Variants in SLC12A9 observed in about 807,000 individuals in gnomAD.
SLC12A9 encodes the protein CCC-interacting protein 1.
Under a neutral mutation model 66.0 loss-of-function variants are expected in SLC12A9, and 55 were observed. The ratio of observed to expected loss-of-function variants is 0.83; its 90% CI spans 0.67 to 1.04. The LOEUF (loss-of-function observed/expected upper bound fraction) is 1.04, where lower values mean the gene tolerates loss of function less well. Ranked by LOEUF, SLC12A9 falls within the 50% of genes least tolerant of loss-of-function variation. The pLI, the probability that SLC12A9 is intolerant of heterozygous loss-of-function variation, is 0.00. For missense variants in SLC12A9, 1,061 were observed against 1,241.9 expected (o/e 0.85, Z 2.19); for synonymous variants, 577 against 569.0 (o/e 1.01, Z -0.20).
At chr7:100,838,436 TGTG>T (rs2116514705) in intron 1 of SLC12A9, among the ~76,000 whole-genome samples, 1 of 152,298 alleles carries the variant, frequency 6.6e-6, no homozygotes, top group African/African-American at 2.4e-5. Flanking sequence ...AGAAGAGAGA[TGTG>T]GTGATGGAGA....
At chr7:100,828,568 A>T (rs1409671605) in intron 1 of SLC12A9, among the ~76,000 whole-genome samples, 2 of 150,844 alleles carry the variant, frequency 1.3e-5, no homozygotes, top group African/African-American at 4.9e-5. Flanking sequence ...AAAAAAAAAA[A>T]AAAAAAAGGT....
chr7:100,849,661 G>A (rs576190047), upstream of SLC12A9, among the ~76,000 whole-genome samples: 2 of 151,618 alleles, frequency 1.3e-5, no homozygotes, highest in East Asian at 3.9e-4. Flanking sequence ...GGTGCAGTGA[G>A]CTGAGATCGC....
intron 1 of SLC12A9, among the ~76,000 whole-genome samples, chr7:100,837,851 ATTTTTTTT>A (rs11285489): frequency 3.6e-4 from 29 of 79,644 alleles, no homozygotes; most frequent in Admixed American, 1.6e-3. Flanking sequence ...ATTTATTTCA[ATTTTTTTT>A]TTTTTTTTTT....
At chr7:100,864,070 GT>G (rs1343790979) in intron 13 of SLC12A9, among the ~76,000 whole-genome samples, 4 of 136,804 alleles carry the variant, frequency 2.9e-5, no homozygotes, top group African/African-American at 1.1e-4. Context: ...AGCAATTGCG[GT>G]TTTTGCCTTT....
At chr7:100,858,382 C>T (rs189837338) in intron 5 of SLC12A9, 61 of 154,580 alleles carry the variant, frequency 3.9e-4, no homozygotes, top group Admixed American at 7.6e-4. Flanking sequence ...ACTGCACTCT[C>T]GCCTGGGTGA....
chr7:100,837,851 A>ATTTT (rs11285489), intron 1 of SLC12A9, among the ~76,000 whole-genome samples: 1 of 79,652 alleles, frequency 1.3e-5, no homozygotes, highest in African/African-American at 5.5e-5. Flanking sequence ...ATTTATTTCA[A>ATTTT]TTTTTTTTTT....
intron 1 of SLC12A9, among the ~76,000 whole-genome samples, chr7:100,832,717 TATTTTAAAC>T (rs1177810790): frequency 6.6e-6 from 1 of 152,230 alleles, no homozygotes; most frequent in Non-Finnish European, 1.5e-5. Flanking sequence ...ATATTTGTCA[TATTTTAAAC>T]ATTTGAGGTC....
chr7:100,859,703 C>T, intron 7 of SLC12A9, 182 bp from the exon 8 acceptor site: 1 of 725,138 alleles, frequency 1.4e-6, no homozygotes, highest in South Asian at 2.0e-5. Context: ...GGAGTGAGAC[C>T]TTGTCTCTTA....
Position 100,861,518 on chromosome 7 carries a change from C to T in SLC12A9, c.1470C>T (p.Ala490=). The change falls in exon 11 of 14, where the codon GCC becomes GCT. Residue 490 remains alanine, a synonymous_variant. Coordinates refer to ENST00000354161, the MANE Select transcript of SLC12A9 (RefSeq NM_020246.4). This position sits in a 1 kb window ranked among gnomAD's most constrained non-coding sequence, Gnocchi z 5.3. Reference sequence around the variant, plus strand: ...TGCTCCTCATGGGTCTGCTGGCTGCCCTGCTCACCGCGCGAGGAGGCCCCA... The same window carrying T: ...TGCTCCTCATGGGTCTGCTGGCTGCTCTGCTCACCGCGCGAGGAGGCCCCA... The part of the protein sequence containing the change: ...GSLLLMGLLA[A]LLTARGGPSS... The T allele has an allele frequency of 6.2e-7, 1 of 1,613,900 alleles. No individual in the cohort carries two copies. Among genetic ancestry groups the T allele is most frequent in the Non-Finnish European group, 8.5e-7 (1 of 1,180,032 alleles).
At position 100,861,964 on chromosome 7, in the gene SLC12A9, T is replaced by A; in HGVS notation, c.1711+53T>A. 29 of 299,896 alleles carry A rather than the reference T, an allele frequency of 9.7e-5. No individual in the cohort carries two copies. Among genetic ancestry groups the A allele is most frequent in the Non-Finnish European group, 1.5e-4 (29 of 193,452 alleles). The allele number at this position is 299,896 out of a possible 1,614,324, so 18.6% of individuals were successfully genotyped here. On this transcript the variant is annotated intron_variant, in intron 12 of 13. Transcript: ENST00000354161. The surrounding 1 kb of genome is among the most constrained non-coding windows in gnomAD (Gnocchi z 5.3). ...ACTCCCATCCTTCTCTCCCCCTACC[T>A]TTTTTTTTTTTTTGAGATGGAGCTT...
chr7:100,828,643 C>T (rs530092422), intron 1 of SLC12A9, among the ~76,000 whole-genome samples: 2 of 151,304 alleles, frequency 1.3e-5, no homozygotes, highest in African/African-American at 4.9e-5. Flanking sequence ...CTCTCACTCT[C>T]GTGTTTTGGG....
At chr7:100,857,278 T>C in intron 5 of SLC12A9, 102 bp downstream of exon 5, 1 of 1,307,368 alleles carries the variant, frequency 7.6e-7, no homozygotes, top group Non-Finnish European at 1.1e-6. Flanking sequence ...TCAGAGGGAA[T>C]GGAGGGCAGG....
In SLC12A9 at chr7:100,862,826, C is replaced by G; in HGVS notation, c.1857C>G (p.Leu619=). 2 of 1,614,044 alleles carry G rather than the reference C, an allele frequency of 1.2e-6. No homozygotes were observed. Among genetic ancestry groups the G allele is most frequent in the Non-Finnish European group, 8.5e-7 (1 of 1,180,024 alleles). ...AGCATCTGCTGCGAATCTCCGGCCT[C>G]GGTGAGCTGCTTCTCCCTGGATGCC... ...GAQHLLRISG[L]GGMKPNTLVL... is the part of the protein sequence containing the mutation. Residue 619 remains leucine (L), a splice_region_variant and synonymous_variant, in exon 13 of 14, where the codon CTC becomes CTG. Coordinates refer to ENST00000354161, the MANE Select transcript of SLC12A9 (RefSeq NM_020246.4).
chr7:100,866,150 G>T lies in SLC12A9; in HGVS notation c.2290G>T (p.Ala764Ser), dbSNP rs751243414. The change falls in exon 14 of 14, where the codon GCC (alanine) becomes TCC (serine). Residue 764 changes from alanine to serine, a missense_variant. Coordinates refer to ENST00000354161, the MANE Select transcript of SLC12A9 (RefSeq NM_020246.4). This position sits in a 1 kb window ranked among gnomAD's most constrained non-coding sequence, Gnocchi z 7.3. Reference sequence around the variant, plus strand: ...GGGCATGGTGCCCGCTTGGCATAGCGCCCGGCTCCGGATCTTCCTGTGCCT... The same window carrying T: ...GGGCATGGTGCCCGCTTGGCATAGCTCCCGGCTCCGGATCTTCCTGTGCCT... ...ILGMVPAWHS[A>S]RLRIFLCLGP... 3 of 1,612,782 alleles carry T rather than the reference G, an allele frequency of 1.9e-6. No individual in the cohort carries two copies. Among genetic ancestry groups the T allele is most frequent in the Non-Finnish European group, 2.5e-6 (3 of 1,179,780 alleles).
intron 13 of SLC12A9, chr7:100,865,242 G>A: frequency 1.3e-6 from 2 of 1,535,584 alleles, no homozygotes; most frequent in African/African-American, 1.4e-5. Context: ...ACAGGTGTGA[G>A]CCACGGTGCC....
upstream of SLC12A9, among the ~76,000 whole-genome samples, chr7:100,849,759 G>A (rs970790842): frequency 6.6e-6 from 1 of 151,586 alleles, no homozygotes; most frequent in African/African-American, 2.4e-5. Context: ...ATTTAGTCAA[G>A]GAGAAAGTCT....
At chr7:100,834,666 GAGACCAGGAGTACA>G (rs1162163650) in intron 1 of SLC12A9, among the ~76,000 whole-genome samples, 1 of 152,066 alleles carries the variant, frequency 6.6e-6, no homozygotes, top group Admixed American at 6.6e-5. Context: ...CAGATCACTT[GAGACCAGGAGTACA>G]AGACCAGCCT....
At chr7:100,859,541 G>T in intron 7 of SLC12A9, 1 of 376,222 alleles carries the variant, frequency 2.7e-6, no homozygotes, top group Non-Finnish European at 4.9e-6. Context: ...CAGAGCAAGA[G>T]CCTCCCCCCA....
intron 1 of SLC12A9, among the ~76,000 whole-genome samples, chr7:100,847,502 T>G (rs912082651): frequency 6.6e-6 from 1 of 152,144 alleles, no homozygotes; most frequent in African/African-American, 2.4e-5. Context: ...CAGCTGAGAA[T>G]AGATTTTGGG....
Sources: allele counts gnomAD v4.1 joint callset (sites outside exome capture counted in the v4.1 genomes callset), GRCh38; gene constraint gnomAD v4.1.1; non-coding constraint Gnocchi (gnomAD v3.1); transcripts MANE v1.5; gene names NCBI Gene and HGNC (gene_info 2026-07-23, HGNC 2026-07-21).